Variants in ZC3HAV1 observed in about 807,000 individuals in gnomAD.
The protein encoded by ZC3HAV1 is zinc finger CCCH-type containing, antiviral 1.
Under a neutral mutation model 86.6 loss-of-function variants are expected in ZC3HAV1, and 41 were observed. That is an observed-to-expected ratio of 0.47 (90% CI 0.37 to 0.61). The LOEUF (loss-of-function observed/expected upper bound fraction) is 0.61, where lower values mean the gene tolerates loss of function less well. ZC3HAV1 is among the 20% of genes least tolerant of loss of function. The probability of loss-of-function intolerance (pLI) is 0.00; values close to 1 mark genes in which losing one functional copy is unlikely to be tolerated. For missense variants in ZC3HAV1, 964 were observed against 1,141.1 expected, an observed-to-expected ratio of 0.84 and a Z score of 2.24; for synonymous variants, 421 against 432.1, an observed-to-expected ratio of 0.97 and a Z score of 0.32.
At chr7:139,050,350 T>C (rs1391507635) in intron 12 of ZC3HAV1, among the ~76,000 whole-genome samples, 2 of 152,202 alleles carry the variant, frequency 1.3e-5, no homozygotes, top group Non-Finnish European at 2.9e-5. Flanking sequence ...TCATTTCTAT[T>C]CCTACATTTC....
At chr7:139,074,657 T>G (rs1366936532) in intron 6 of ZC3HAV1, among the ~76,000 whole-genome samples, 1 of 151,278 alleles carries the variant, frequency 6.6e-6, no homozygotes, top group Non-Finnish European at 1.5e-5. Flanking sequence ...TAATTATCCA[T>G]ATAAATATTA....
intron 8 of ZC3HAV1, among the ~76,000 whole-genome samples, chr7:139,062,229 A>G (rs1816463072): frequency 7.3e-6 from 1 of 136,060 alleles, no homozygotes; most frequent in African/African-American, 3.5e-5. Context: ...AACATAAACC[A>G]CACACACACA....
chr7:139,057,824 G>T, intron 9 of ZC3HAV1, among the ~76,000 whole-genome samples: 1 of 21,542 alleles, frequency 4.6e-5, no homozygotes, highest in Non-Finnish European at 8.4e-5. Context: ...ACAGACGTGA[G>T]CCACCGCGCC....
intron 1 of ZC3HAV1, among the ~76,000 whole-genome samples, chr7:139,090,878 C>A (rs1020795433): frequency 2.0e-5 from 3 of 152,190 alleles, no homozygotes; most frequent in Non-Finnish European, 4.4e-5. Flanking sequence ...AGGACTCTGT[C>A]AACCAGGAGC....
rs560452057 is a variant in ZC3HAV1, at chr7:139,057,818, A to G, written c.2097-2523T>C. Among the ~76,000 whole-genome samples, 12 of 21,574 alleles carry G rather than the reference A, an allele frequency of 5.6e-4. 3 individuals are homozygous for G. Among genetic ancestry groups the G allele is most frequent in the East Asian group, 1.9e-3 (1 of 514 alleles). The allele number at this position is 21,574 out of a possible 152,430, so 14.2% of individuals were successfully genotyped here. On this transcript the variant is annotated intron_variant, in intron 9 of 12. Transcript: ENST00000242351. Reference sequence around the variant, plus strand: ...GCCTCCCACAGTGCTGGGATTACAGACGTGAGCCACCGCGCCCGGCCAACA... The same window carrying G: ...GCCTCCCACAGTGCTGGGATTACAGGCGTGAGCCACCGCGCCCGGCCAACA...
At chr7:139,104,725 A>C (rs1394881905) in intron 1 of ZC3HAV1, among the ~76,000 whole-genome samples, 5 of 127,136 alleles carry the variant, frequency 3.9e-5, no homozygotes, top group Admixed American at 1.6e-4. Flanking sequence ...CTGTCACAAA[A>C]AAAAAAAAAA....
At chr7:139,062,464 G>A (rs1037180291) in intron 8 of ZC3HAV1, among the ~76,000 whole-genome samples, 2 of 152,154 alleles carry the variant, frequency 1.3e-5, no homozygotes, top group East Asian at 3.8e-4. Context: ...GTCTATAAAA[G>A]TAAGTGCTGT....
chr7:139,101,088 G>A (rs1169329433), intron 1 of ZC3HAV1, among the ~76,000 whole-genome samples: 2 of 152,206 alleles, frequency 1.3e-5, no homozygotes, highest in South Asian at 2.1e-4. Context: ...CGAGTGATCC[G>A]CCAGCCTCGG....
At chr7:139,069,828 T>C (rs1318635138) in intron 7 of ZC3HAV1, among the ~76,000 whole-genome samples, 2 of 152,222 alleles carry the variant, frequency 1.3e-5, no homozygotes, top group East Asian at 1.9e-4. Flanking sequence ...CTTAGTTGCC[T>C]GACTTATTCA....
At chr7:139,066,319 T>C (rs1584848044) in intron 7 of ZC3HAV1, among the ~76,000 whole-genome samples, 1 of 152,246 alleles carries the variant, frequency 6.6e-6, no homozygotes, top group Non-Finnish European at 1.5e-5. Flanking sequence ...CTGCTGGTTG[T>C]AAGCGGAGGG....
chr7:139,095,356 GA>G (rs1216688291), intron 1 of ZC3HAV1, among the ~76,000 whole-genome samples: 5 of 152,164 alleles, frequency 3.3e-5, no homozygotes, highest in African/African-American at 1.2e-4. Flanking sequence ...AGATGGAGGA[GA>G]AACAGAATAG....
At chr7:139,089,125 A>G (rs1012128969) in intron 2 of ZC3HAV1, among the ~76,000 whole-genome samples, 1 of 151,454 alleles carries the variant, frequency 6.6e-6, no homozygotes, top group Non-Finnish European at 1.5e-5. Flanking sequence ...AAAAAAAAAA[A>G]AAAAGGGTGG....
chr7:139,063,173 G>A (rs1816499366), intron 8 of ZC3HAV1, among the ~76,000 whole-genome samples: 1 of 151,806 alleles, frequency 6.6e-6, no homozygotes, highest in Non-Finnish European at 1.5e-5. Flanking sequence ...AATTGCTCTA[G>A]ATTCAGGAAC....
chr7:139,093,163 A>G (rs901434863), intron 1 of ZC3HAV1, among the ~76,000 whole-genome samples: 8 of 152,198 alleles, frequency 5.3e-5, no homozygotes, highest in Non-Finnish European at 1.2e-4. Flanking sequence ...ATGAGAAATC[A>G]AAGGTGACAG....
At chr7:139,098,581 G>A (rs1817671832) in intron 1 of ZC3HAV1, among the ~76,000 whole-genome samples, 1 of 152,142 alleles carries the variant, frequency 6.6e-6, no homozygotes, top group Non-Finnish European at 1.5e-5. Flanking sequence ...GCAGGAGGGT[G>A]GCTTGAGCTC....
Position 139,079,837 on chromosome 7 carries a change from G to C in ZC3HAV1, c.1104C>G (p.Asp368Glu). ...ACACAGTCTTTCTCCTGGCGCCTTG[G>C]TCATTCGTCCAGGATGTGAGGCTCT... ...NWKSLTSWTN[D>E]QGARRKTVFS... Residue 368 changes from aspartate (D) to glutamate (E), a missense_variant, in exon 4 of 13, where the codon GAC becomes GAG. Coordinates refer to ENST00000242351, the MANE Select transcript of ZC3HAV1 (RefSeq NM_020119.4). The C allele has an allele frequency of 6.2e-7, 1 of 1,614,148 alleles. No individual in the cohort carries two copies. The highest frequency in any genetic ancestry group is 8.5e-7 in the Non-Finnish European group (1 of 1,180,034).
intron 1 of ZC3HAV1, among the ~76,000 whole-genome samples, chr7:139,095,426 G>A (rs1473966159): frequency 6.6e-6 from 1 of 152,114 alleles, no homozygotes; most frequent in Non-Finnish European, 1.5e-5. Context: ...AGAGGGTGGA[G>A]CCGAAAAAAA....
Position 139,109,186 on chromosome 7 carries a change from A to G in ZC3HAV1, c.146T>C (p.Phe49Ser). Residue 49 changes from phenylalanine (F) to serine (S), a missense_variant, in exon 1 of 13, where the codon TTT (phenylalanine) becomes TCT (serine). By Grantham distance (155) the Phe-to-Ser change is radical. Coordinates refer to ENST00000242351, the MANE Select transcript of ZC3HAV1 (RefSeq NM_020119.4). The stretch of plus-strand genomic sequence containing the variant: ...CTCGCCGCCGGTCTCCAACACCACA[A>G]AGCGGTCGGGCCCGGCCACCTGCAG... ...EVLQVAGPDRFVVLETGGEAG... is the reference protein window; with the variant it reads ...EVLQVAGPDRSVVLETGGEAG... The G allele has an allele frequency of 6.2e-7, 1 of 1,605,266 alleles. No homozygotes were observed. Among genetic ancestry groups the G allele is most frequent in the Non-Finnish European group, 8.5e-7 (1 of 1,176,170 alleles).
intron 2 of ZC3HAV1, among the ~76,000 whole-genome samples, chr7:139,086,892 C>T (rs1817286461): frequency 6.6e-6 from 1 of 152,202 alleles, no homozygotes. Flanking sequence ...TGAGGCCTCC[C>T]AGCCATGCAG....
Sources: gnomAD v4.1 joint callset for allele counts (sites outside exome capture counted in the v4.1 genomes callset) on GRCh38, gnomAD v4.1.1 for gene constraint, MANE v1.5 for transcripts, NCBI Gene and HGNC (gene_info 2026-07-23, HGNC 2026-07-21) for gene names.